Variants in PCDH11X observed in about 807,000 individuals in gnomAD.
The protein encoded by PCDH11X is protocadherin-11 X-linked.
Under a neutral mutation model 53.3 loss-of-function variants are expected in PCDH11X, and 18 were observed. The ratio of observed to expected loss-of-function variants is 0.34; its 90% CI spans 0.23 to 0.50. The LOEUF is 0.50. Ranked by LOEUF, PCDH11X falls within the 20% of genes least tolerant of loss-of-function variation. PCDH11X has a pLI of 0.98. For synonymous variants in PCDH11X, 279 were observed against 393.3 expected (o/e 0.71, Z 3.44); for missense variants, 570 against 1,032.4 (o/e 0.55, Z 6.14).
chrX:92,461,335 G>C (rs985070975), intron 9 of PCDH11X, among the ~76,000 whole-genome samples: 1 of 108,286 alleles, frequency 9.2e-6, no homozygotes, highest in African/African-American at 3.4e-5. Context: ...AACCAAAACA[G>C]CATGGTACTG....
intron 9 of PCDH11X, among the ~76,000 whole-genome samples, chrX:92,417,796 A>G (rs1205889112): frequency 3.3e-5 from 3 of 92,223 alleles, no homozygotes; most frequent in Non-Finnish European, 6.3e-5. Context: ...GTGGTCACAC[A>G]CTTTTGTTTT....
intron 8 of PCDH11X, among the ~76,000 whole-genome samples, chrX:92,325,732 C>T (rs780769935): frequency 1.6e-3 from 182 of 111,072 alleles, no homozygotes; most frequent in African/African-American, 5.6e-3. Flanking sequence ...CTTTTCTCTG[C>T]CTCCAATACA....
intron 6 of PCDH11X, among the ~76,000 whole-genome samples, chrX:92,043,561 G>A (rs1294454272): frequency 1.0e-5 from 1 of 99,029 alleles, no homozygotes; most frequent in Non-Finnish European, 2.0e-5. Flanking sequence ...ATGGGCCACT[G>A]GTCCTTGGTG....
intron 7 of PCDH11X, among the ~76,000 whole-genome samples, chrX:92,221,105 C>T (rs1296852028): frequency 1.1e-5 from 1 of 93,977 alleles, no homozygotes; most frequent in Non-Finnish European, 2.1e-5. Flanking sequence ...TGCTAAATGA[C>T]GAGTTAATGG....
At position 92,355,129 on chromosome X, in the gene PCDH11X, A is replaced by T. The variant is rs375683482; in HGVS notation, c.3145-32606A>T. On this transcript the variant is annotated intron_variant, in intron 8 of 10. Coordinates refer to ENST00000682573, the MANE Select transcript of PCDH11X (RefSeq NM_032968.5). ...ATAAAATCTAAGTTGACTACTTCTC[A>T]TTAAAAGAAATTATTAGGCCGGGCG... Among the ~76,000 whole-genome samples, 8 of 107,612 alleles carry T rather than the reference A, an allele frequency of 7.4e-5. No homozygotes were observed. The East Asian group carries it at 2.4e-3, about 33-fold the overall frequency. The allele number at this position is 107,612 out of a possible 115,157, so 93.4% of individuals were successfully genotyped here. A position where few individuals can be genotyped will look rare whatever the true frequency, so the allele number is the denominator to read the frequency against.
chrX:92,540,443 C>T (rs953005193), intron 10 of PCDH11X, among the ~76,000 whole-genome samples: 1 of 106,950 alleles, frequency 9.4e-6, no homozygotes, highest in African/African-American at 3.5e-5. Flanking sequence ...AACTATGACA[C>T]GCCTTTCAAG....
At chrX:91,867,757 G>A (rs889697809) in intron 5 of PCDH11X, among the ~76,000 whole-genome samples, 2 of 110,646 alleles carry the variant, frequency 1.8e-5, no homozygotes, top group Non-Finnish European at 3.8e-5. Flanking sequence ...TACATATCAC[G>A]ACTATCCCAT....
intron 6 of PCDH11X, among the ~76,000 whole-genome samples, chrX:92,159,015 G>A (rs771542564): frequency 5.5e-4 from 62 of 111,747 alleles, no homozygotes; most frequent in African/African-American, 1.9e-3. Flanking sequence ...AAGATTTTAA[G>A]CACAAAAATA....
At chrX:91,919,736 C>T (rs1009019079) in intron 6 of PCDH11X, among the ~76,000 whole-genome samples, 4 of 110,602 alleles carry the variant, frequency 3.6e-5, no homozygotes, top group Non-Finnish European at 7.6e-5. Context: ...CTCCTTGTCA[C>T]ATTCTTAGGT....
At chrX:91,840,765 C>G (rs997690813) in intron 5 of PCDH11X, among the ~76,000 whole-genome samples, 10 of 108,825 alleles carry the variant, frequency 9.2e-5, no homozygotes, top group African/African-American at 3.3e-4. Flanking sequence ...GTAACCATAA[C>G]TCAAAGTGAT....
chrX:92,130,650 C>CAA (rs34011848), intron 6 of PCDH11X, among the ~76,000 whole-genome samples: 1,897 of 63,026 alleles, frequency 0.03, 81 homozygotes, highest in African/African-American at 0.089. Context: ...AACTCTGTCT[C>CAA]AAAAAAAAAA....
intron 6 of PCDH11X, chrX:91,883,945 T>G (rs2147746949): frequency 1.4e-6 from 1 of 723,703 alleles, no homozygotes; most frequent in African/African-American, 2.4e-5. Context: ...ATCCCAGCAC[T>G]TTGGGAGGCC....
intron 8 of PCDH11X, among the ~76,000 whole-genome samples, chrX:92,380,017 A>G (rs1489876331): frequency 2.0e-5 from 2 of 100,563 alleles, no homozygotes; most frequent in Admixed American, 2.1e-4. Flanking sequence ...TGATGAGGAT[A>G]GAAGAGAGCA....
chrX:92,288,594 T>G (rs2068430596), intron 8 of PCDH11X, among the ~76,000 whole-genome samples: 1 of 110,967 alleles, frequency 9.0e-6, no homozygotes, highest in African/African-American at 3.3e-5. Flanking sequence ...AATATCTGTT[T>G]ATTTTTACTG....
At chrX:91,866,561 C>T (rs1439983778) in intron 5 of PCDH11X, among the ~76,000 whole-genome samples, 1 of 111,426 alleles carries the variant, frequency 9.0e-6, no homozygotes, top group Non-Finnish European at 1.9e-5. Flanking sequence ...CTTCCTCCCC[C>T]AGTGCCCAGA....
intron 6 of PCDH11X, among the ~76,000 whole-genome samples, chrX:91,999,033 C>T (rs1368721366): frequency 9.1e-6 from 1 of 109,970 alleles, no homozygotes; most frequent in Non-Finnish European, 1.9e-5. Context: ...CCCACCTCAG[C>T]CTCTCAAGTA....
intron 6 of PCDH11X, among the ~76,000 whole-genome samples, chrX:92,031,696 C>T (rs1192521398): frequency 9.0e-6 from 1 of 111,292 alleles, no homozygotes; most frequent in Non-Finnish European, 1.9e-5. Context: ...CATTCTTCTG[C>T]ACATGGATAT....
At chrX:91,829,413 T>TACAC (rs756637346) in intron 4 of PCDH11X, among the ~76,000 whole-genome samples, 2,735 of 81,111 alleles carry the variant, frequency 0.034, 43 homozygotes, top group Admixed American at 0.045. Flanking sequence ...ATATATATAT[T>TACAC]ACACACACAC....
chrX:92,267,165 G>T (rs189539066), intron 8 of PCDH11X, among the ~76,000 whole-genome samples: 1 of 111,759 alleles, frequency 8.9e-6, no homozygotes, highest in South Asian at 3.7e-4. Flanking sequence ...CCCTTATTTA[G>T]CATTAACCTG....
Sources: gnomAD v4.1 joint callset for allele counts (sites outside exome capture counted in the v4.1 genomes callset) on GRCh38, gnomAD v4.1.1 for gene constraint, MANE v1.5 for transcripts, NCBI Gene and HGNC (gene_info 2026-07-23, HGNC 2026-07-21) for gene names.